SPATA17: variants seen among roughly 807,000 people sequenced by gnomAD.
The protein encoded by SPATA17 is spermatogenesis associated 17.
Under a neutral mutation model 62.2 loss-of-function variants are expected in SPATA17, and 53 were observed. The observed-to-expected ratio is 0.85, with a 90% CI of 0.68 to 1.07. The LOEUF (loss-of-function observed/expected upper bound fraction) is 1.07. SPATA17 is among the 50% of genes least tolerant of loss of function. The pLI is 0.00. For synonymous variants in SPATA17, 146 were observed against 146.8 expected (o/e 0.99, Z 0.04); for missense variants, 466 against 425.5 (o/e 1.10, Z -0.84).
intron 4 of SPATA17, among the ~76,000 whole-genome samples, chr1:217,669,381 A>AT (rs2102896998): frequency 6.6e-6 from 1 of 152,338 alleles, no homozygotes; most frequent in South Asian, 2.1e-4. Context: ...TCCATATATC[A>AT]TATAGAATAC....
At chr1:217,800,567 C>CT (rs1431487409) in intron 8 of SPATA17, among the ~76,000 whole-genome samples, 5 of 152,130 alleles carry the variant, frequency 3.3e-5, no homozygotes, top group Non-Finnish European at 7.4e-5. Flanking sequence ...GATTTCATTA[C>CT]TCCTTACATA....
chr1:217,778,238 C>T (rs1032183422), intron 7 of SPATA17, among the ~76,000 whole-genome samples: 6 of 152,168 alleles, frequency 3.9e-5, no homozygotes, highest in South Asian at 4.1e-4. Flanking sequence ...CTGGTGGGCG[C>T]GGTGGCTCAC....
rs1676089785 is a variant in SPATA17, at chr1:217,869,642, T to A, written c.*2623T>A. On this transcript the variant is annotated 3_prime_UTR_variant, in exon 11 of 11. Coordinates refer to ENST00000366933, the MANE Select transcript of SPATA17 (RefSeq NM_138796.4). ...ACTACAGTCAGGCTGAAACTTGGCA[T>A]CTTATTGCTATGAAAAATCTTAAGA... 6.6e-6 allele frequency: 1 copy of A among 152,104 alleles called. No homozygotes were observed. The highest frequency in any genetic ancestry group is 2.4e-5 in the African/African-American group (1 of 41,426). 9.4% of individuals were successfully genotyped at this position (152,104 alleles called of 1,614,324 possible).
intron 7 of SPATA17, among the ~76,000 whole-genome samples, chr1:217,775,477 G>A (rs747258225): frequency 1.3e-5 from 2 of 152,058 alleles, no homozygotes; most frequent in Non-Finnish European, 2.9e-5. Flanking sequence ...GGCCAAGGCG[G>A]ACAGATCACA....
chr1:217,641,521 A>G (rs2102877329), intron 1 of SPATA17, among the ~76,000 whole-genome samples: 1 of 152,300 alleles, frequency 6.6e-6, no homozygotes. Context: ...AAAGTAAAAT[A>G]TGAAGATAAT....
At chr1:217,834,938 T>G (rs961921631) in intron 9 of SPATA17, among the ~76,000 whole-genome samples, 1 of 152,136 alleles carries the variant, frequency 6.6e-6, no homozygotes, top group Admixed American at 6.6e-5. Flanking sequence ...TACTGTACCT[T>G]TTATATGTTT....
rs895256398 is a variant in SPATA17 at position 217,748,032 on chromosome 1, G to A, written c.519+5934G>A. 3.3e-5 allele frequency among the ~76,000 whole-genome samples: 5 copies of A among 152,012 alleles called. No individual in the cohort carries two copies. The East Asian group carries it at 7.7e-4, about 23-fold the overall frequency. Reference sequence around the variant, plus strand: ...TTAAAAATTAAACTTGGCCGGGCGCGGTGGCTCACGCCTGTAATTCCAGCA... The same window carrying A: ...TTAAAAATTAAACTTGGCCGGGCGCAGTGGCTCACGCCTGTAATTCCAGCA... On this transcript the variant is annotated intron_variant, in intron 6 of 10. Transcript: ENST00000366933.
chr1:217,806,439 C>A (rs969197633), intron 9 of SPATA17, among the ~76,000 whole-genome samples: 21 of 152,176 alleles, frequency 1.4e-4, no homozygotes, highest in Non-Finnish European at 2.6e-4. Context: ...GAGTAGCAGC[C>A]CCAGTGATCT....
intron 1 of SPATA17, among the ~76,000 whole-genome samples, chr1:217,642,626 G>A (rs1670091335): frequency 6.6e-6 from 1 of 152,108 alleles, no homozygotes; most frequent in African/African-American, 2.4e-5. Flanking sequence ...CATGGGGGCG[G>A]TTTCCTCCGT....
At chr1:217,776,091 T>C (rs1673583327) in intron 7 of SPATA17, among the ~76,000 whole-genome samples, 1 of 152,178 alleles carries the variant, frequency 6.6e-6, no homozygotes, top group Non-Finnish European at 1.5e-5. Flanking sequence ...CAAATGTAAA[T>C]TTGAGAATTT....
chr1:217,767,732 A>G (rs1673334604), intron 6 of SPATA17, among the ~76,000 whole-genome samples: 1 of 152,096 alleles, frequency 6.6e-6, no homozygotes, highest in Admixed American at 6.6e-5. Context: ...TACATTGGCC[A>G]TCTTCCTTGC....
intron 9 of SPATA17, among the ~76,000 whole-genome samples, chr1:217,841,978 A>G (rs1675415926): frequency 6.6e-6 from 1 of 151,610 alleles, no homozygotes. Flanking sequence ...ATACTTTATC[A>G]TGTTAAAGAT....
At chr1:217,775,175 A>G (rs1046927904) in intron 7 of SPATA17, among the ~76,000 whole-genome samples, 1 of 152,114 alleles carries the variant, frequency 6.6e-6, no homozygotes, top group Non-Finnish European at 1.5e-5. Context: ...GCATTTTTCT[A>G]ATTGTTAGCG....
intron 5 of SPATA17, among the ~76,000 whole-genome samples, chr1:217,724,351 G>T (rs986084307): frequency 1.3e-5 from 2 of 152,092 alleles, no homozygotes; most frequent in African/African-American, 4.8e-5. Flanking sequence ...CTTTTGGGAG[G>T]CCGAGGTGGG....
intron 6 of SPATA17, among the ~76,000 whole-genome samples, chr1:217,772,853 A>T (rs1673486206): frequency 6.6e-6 from 1 of 152,208 alleles, no homozygotes; most frequent in Admixed American, 6.5e-5. Flanking sequence ...GTGTAATGTG[A>T]TAGGTATTGT....
intron 1 of SPATA17, among the ~76,000 whole-genome samples, chr1:217,637,772 G>T (rs547755321): frequency 9.2e-5 from 14 of 152,034 alleles, no homozygotes; most frequent in Admixed American, 2.6e-4. Context: ...TTTCTTACAG[G>T]TGTACTCAAT....
rs1239543828 is a variant in SPATA17, at chr1:217,868,424, T to C, written c.*1405T>C. 1.3e-5 allele frequency: 2 copies of C among 152,142 alleles called. No individual in the cohort carries two copies. The highest frequency in any genetic ancestry group is 2.9e-5 in the Non-Finnish European group (2 of 68,028). The allele number at this position is 152,142 out of a possible 1,614,324, so 9.4% of individuals were successfully genotyped here. On this transcript the variant is annotated 3_prime_UTR_variant, in exon 11 of 11. Transcript: ENST00000366933. Reference sequence around the variant, plus strand: ...AAATATTGTAAGTTAAAAATGCATTTAATACAGCTAACTTACCAGACAGCT... The same window carrying C: ...AAATATTGTAAGTTAAAAATGCATTCAATACAGCTAACTTACCAGACAGCT...
chr1:217,838,045 T>G (rs1675302741), intron 9 of SPATA17, among the ~76,000 whole-genome samples: 1 of 152,172 alleles, frequency 6.6e-6, no homozygotes, highest in Non-Finnish European at 1.5e-5. Flanking sequence ...AAGTAACATA[T>G]TAATATTTTT....
At chr1:217,725,809 A>C (rs1285702725) in intron 5 of SPATA17, among the ~76,000 whole-genome samples, 1 of 152,174 alleles carries the variant, frequency 6.6e-6, no homozygotes, top group African/African-American at 2.4e-5. Context: ...TAGTGTAGGA[A>C]AAAGTTGTAT....
Sources: gnomAD v4.1 joint callset for allele counts (sites outside exome capture counted in the v4.1 genomes callset) on GRCh38, gnomAD v4.1.1 for gene constraint, MANE v1.5 for transcripts, NCBI Gene and HGNC (gene_info 2026-07-23, HGNC 2026-07-21) for gene names.